FSIP2: variants seen among roughly 807,000 people sequenced by gnomAD.
FSIP2 encodes the protein fibrous sheath interacting protein 2, also known as fibrous sheath-interacting protein 2.
In FSIP2, 367 loss-of-function variants were observed where a neutral mutation model predicts 510.5. The ratio of observed to expected loss-of-function variants is 0.72; its 90% confidence interval spans 0.66 to 0.78. FSIP2 has a LOEUF of 0.78. Among genes scored for constraint, FSIP2 ranks in the 30% least tolerant of loss-of-function variants. The pLI is 0.00. For missense variants in FSIP2, 7,594 were observed against 7,901.7 expected (o/e 0.96, Z 1.48); for synonymous variants, 2,601 against 2,732.2 (o/e 0.95, Z 1.50).
intron 13 of FSIP2, among the ~76,000 whole-genome samples, chr2:185,782,126 CCTTT>C (rs1692864628): frequency 6.6e-6 from 1 of 152,078 alleles, no homozygotes; most frequent in African/African-American, 2.4e-5. Flanking sequence ...AATGTCAGTT[CCTTT>C]CTCTCTAAAA....
chr2:185,783,580 T>A (rs1246954220), intron 14 of FSIP2: 1 of 152,134 alleles, frequency 6.6e-6, no homozygotes, highest in East Asian at 1.9e-4. Context: ...GACTGATAAA[T>A]ATCAGTTTGT....
At chr2:185,780,878 T>C (rs891101718) in intron 13 of FSIP2, among the ~76,000 whole-genome samples, 1 of 152,214 alleles carries the variant, frequency 6.6e-6, no homozygotes, top group Admixed American at 6.5e-5. Flanking sequence ...AGATTCATTT[T>C]AAATTAAATT....
intron 17 of FSIP2, among the ~76,000 whole-genome samples, chr2:185,810,478 A>C (rs978659185): frequency 6.6e-6 from 1 of 151,056 alleles, no homozygotes. Flanking sequence ...AGGCCTTCCC[A>C]AAAACAGATG....
At position 185,795,583 on chromosome 2, in the gene FSIP2, C is replaced by A; in HGVS notation, c.8447C>A (p.Ala2816Glu). Residue 2816 changes from alanine to glutamate, a missense_variant, in exon 16 of 23, where the codon GCA becomes GAA. Physicochemically the swap from Ala to Glu is moderately radical, Grantham distance 107. Coordinates refer to ENST00000424728, the MANE Select transcript of FSIP2 (RefSeq NM_173651.4). The part of the protein sequence containing the change: ...IGTGSLPKQQ[A>E]CFYLENVSSQ... ...ACAGGATCCCTTCCTAAACAACAAG[C>A]ATGTTTTTACTTGGAGAATGTTTCT... 1 of 1,534,992 alleles carries A rather than the reference C, an allele frequency of 6.5e-7. No homozygotes were observed. The highest frequency in any genetic ancestry group is 8.7e-7 in the Non-Finnish European group (1 of 1,146,066).
chr2:185,804,354 A>G lies in FSIP2; in HGVS notation c.15048A>G (p.Arg5016=). ...NFDKNLCFSE[R]YKEMVQKIVN... ...ATAAAAATTTGTGTTTCTCAGAAAG[A>G]TACAAAGAAATGGTTCAAAAAATAG... is the stretch of plus-strand genomic sequence containing the variant. The change falls in exon 17 of 23, where the codon AGA becomes AGG. Residue 5016 remains arginine, a synonymous_variant. Transcript: ENST00000424728. 1 of 1,502,958 alleles carries G rather than the reference A, an allele frequency of 6.7e-7. No homozygotes were observed. The highest frequency in any genetic ancestry group is 8.8e-7 in the Non-Finnish European group (1 of 1,133,426). The allele number at this position is 1,502,958 out of a possible 1,614,324, so 93.1% of individuals were successfully genotyped here.
chr2:185,778,171 C>T (rs915451907), intron 13 of FSIP2, among the ~76,000 whole-genome samples: 1 of 151,886 alleles, frequency 6.6e-6, no homozygotes, highest in African/African-American at 2.4e-5. Flanking sequence ...TGTTGAAAAG[C>T]AGTATGGCAT....
chr2:185,813,585 A>G lies in FSIP2; in HGVS notation c.19868A>G (p.Asp6623Gly), dbSNP rs1297300661. The change falls in exon 18 of 23, where the codon GAT becomes GGT. Residue 6623 changes from aspartate to glycine, a missense_variant. By Grantham distance (94) the Asp-to-Gly change is moderately conservative (BLOSUM62 -1). Transcript: ENST00000424728. ...TCATTTCAGAATATAAGAAAGCCTG[A>G]TATTACAAAGGTGGAGCTCTTAAAA... ...RNSFQNIRKP[D>G]ITKVELLKDV... is the part of the protein sequence containing the mutation. 3 of 1,554,950 alleles carry G rather than the reference A, an allele frequency of 1.9e-6. No individual in the cohort carries two copies. Among genetic ancestry groups the G allele is most frequent in the Non-Finnish European group, 2.6e-6 (3 of 1,154,870 alleles).
At chr2:185,740,701 G>T (rs368801502) in intron 2 of FSIP2, among the ~76,000 whole-genome samples, 4 of 152,218 alleles carry the variant, frequency 2.6e-5, no homozygotes, top group African/African-American at 9.6e-5. Flanking sequence ...TCAGATTCTC[G>T]TGGGGGTCCT....
chr2:185,794,651 G>A lies in FSIP2; in HGVS notation c.7515G>A (p.Leu2505=). The stretch of plus-strand genomic sequence containing the variant: ...GAGTAAGGGAAGTCACAGGCCATTT[G>A]CCTCCACTTAATGAAACTGCCAACT... ...YQRVREVTGH[L]PPLNETANFI... The change falls in exon 16 of 23, where the codon TTG becomes TTA. Residue 2505 remains leucine (L), a synonymous_variant. Transcript: ENST00000424728. 1.3e-6 allele frequency: 2 copies of A among 1,532,990 alleles called. No individual in the cohort carries two copies. The highest frequency in any genetic ancestry group is 1.2e-5 in the South Asian group (1 of 83,466). 95.0% of individuals were successfully genotyped at this position (1,532,990 alleles called of 1,614,324 possible). A position where few individuals can be genotyped will look rare whatever the true frequency, so the allele number is the denominator to read the frequency against.
chr2:185,766,830 A>C (rs1692495114), intron 13 of FSIP2, among the ~76,000 whole-genome samples: 1 of 135,034 alleles, frequency 7.4e-6, no homozygotes, highest in African/African-American at 2.7e-5. Flanking sequence ...ATATACCCAA[A>C]GGACTATAAA....
chr2:185,740,812 C>A (rs1052954843), intron 2 of FSIP2, among the ~76,000 whole-genome samples: 1 of 151,990 alleles, frequency 6.6e-6, no homozygotes, highest in Admixed American at 6.6e-5. Context: ...GAGGACTCCA[C>A]CCTCATGACT....
chr2:185,788,978 A>T lies in FSIP2; in HGVS notation c.1842A>T (p.Thr614=). 6.5e-7 allele frequency: 1 copy of T among 1,534,624 alleles called. No individual in the cohort carries two copies. Among genetic ancestry groups the T allele is most frequent in the Non-Finnish European group, 8.7e-7 (1 of 1,145,792 alleles). The change falls in exon 16 of 23, where the codon ACA becomes ACT. Residue 614 remains threonine (T), a synonymous_variant. Coordinates refer to ENST00000424728, the MANE Select transcript of FSIP2 (RefSeq NM_173651.4). ...AHVEKTVVGK[T]CHIKGQSIIS... is the part of the protein sequence containing the mutation. ...TGGAAAAAACAGTTGTGGGGAAAAC[A>T]TGTCACATAAAAGGACAATCTATAA...
chr2:185,742,956 G>A (rs1308457433), intron 2 of FSIP2, among the ~76,000 whole-genome samples, 177 bp from the exon 3 acceptor site: 1 of 152,116 alleles, frequency 6.6e-6, no homozygotes, highest in African/African-American at 2.4e-5. Flanking sequence ...ATGCAGGTGA[G>A]GAGAGAGGAA....
chr2:185,753,920 T>A, intron 8 of FSIP2, 78 bp downstream of exon 8: 2 of 968,078 alleles, frequency 2.1e-6, no homozygotes, highest in Non-Finnish European at 2.8e-6. Flanking sequence ...TGTAATACTC[T>A]GTGTATTTAC....
chr2:185,775,533 G>A (rs905847867), intron 13 of FSIP2, among the ~76,000 whole-genome samples: 1 of 151,958 alleles, frequency 6.6e-6, no homozygotes, highest in African/African-American at 2.4e-5. Context: ...TAGGTTGCCT[G>A]TTCACTCTGA....
intron 2 of FSIP2, 101 bp downstream of exon 2, chr2:185,739,572 A>G (rs2105522624): frequency 9.0e-7 from 1 of 1,111,402 alleles, no homozygotes; most frequent in Non-Finnish European, 1.2e-6. Context: ...ATTTGCATCA[A>G]CATTTACAGG....
chr2:185,789,543 A>G lies in FSIP2; in HGVS notation c.2407A>G (p.Lys803Glu). The G allele has an allele frequency of 6.5e-7, 1 of 1,534,714 alleles. No individual in the cohort carries two copies. The highest frequency in any genetic ancestry group is 1.4e-5 in the African/African-American group (1 of 73,050). Reference sequence around the variant, plus strand: ...TGAACTTCTCACATCATCTAATGGAAAACCTTTGAAAAATTCAATGCCTCA... The same window carrying G: ...TGAACTTCTCACATCATCTAATGGAGAACCTTTGAAAAATTCAATGCCTCA... ...SDELLTSSNG[K>E]PLKNSMPHTL... is the part of the protein sequence containing the mutation. Residue 803 changes from lysine (K) to glutamate (E), a missense_variant, in exon 16 of 23, where the codon AAA (lysine) becomes GAA (glutamate). Coordinates refer to ENST00000424728, the MANE Select transcript of FSIP2 (RefSeq NM_173651.4).
At position 185,800,085 on chromosome 2, in the gene FSIP2, A is replaced by G; in HGVS notation, c.10779A>G (p.Pro3593=). The G allele has an allele frequency of 6.5e-7, 1 of 1,533,394 alleles. No homozygotes were observed. Among genetic ancestry groups the G allele is most frequent in the South Asian group, 1.2e-5 (1 of 84,002 alleles). 95.0% of individuals were successfully genotyped at this position (1,533,394 alleles called of 1,614,324 possible). A position where few individuals can be genotyped will look rare whatever the true frequency, so the allele number is the denominator to read the frequency against. ...TACCTACAAAATACACTTACTGTCC[A>G]GGAATAGTTTCTGGTGGCTTTGATG... is the stretch of plus-strand genomic sequence containing the variant. ...VAIPTKYTYC[P]GIVSGGFDDL... is the part of the protein sequence containing the mutation. The change falls in exon 17 of 23, where the codon CCA becomes CCG. Residue 3593 remains proline (P), a synonymous_variant. Transcript: ENST00000424728.
rs1487589518 is a variant in FSIP2 at position 185,801,997 on chromosome 2, A to G, written c.12691A>G (p.Ile4231Val). The change falls in exon 17 of 23, where the codon ATA becomes GTA. Residue 4231 changes from isoleucine to valine, a missense_variant. Transcript: ENST00000424728. ...ILQMSDSLVSIQKSIVSRSPI... is the reference protein window; with the variant it reads ...ILQMSDSLVSVQKSIVSRSPI... ...GCAAATGTCTGACTCTCTTGTTTCA[A>G]TACAAAAAAGTATAGTAAGCCGAAG... The G allele has an allele frequency of 1.3e-6, 2 of 1,524,236 alleles. No homozygotes were observed. The highest frequency in any genetic ancestry group is 1.4e-5 in the African/African-American group (1 of 72,288). 94.4% of individuals were successfully genotyped at this position (1,524,236 alleles called of 1,614,324 possible). A position where few individuals can be genotyped will look rare whatever the true frequency, so the allele number is the denominator to read the frequency against.
Sources: allele counts gnomAD v4.1 joint callset (sites outside exome capture counted in the v4.1 genomes callset), GRCh38; gene constraint gnomAD v4.1.1; transcripts MANE v1.5; gene names NCBI Gene and HGNC (gene_info 2026-07-23, HGNC 2026-07-21).